Variants in DHX35 observed in about 807,000 individuals in gnomAD.
DHX35 encodes the protein DEAH-box helicase 35.
In DHX35, 84 loss-of-function variants were observed where a neutral mutation model predicts 99.6. That is an observed-to-expected ratio of 0.84 (90% CI 0.71 to 1.01). The LOEUF (loss-of-function observed/expected upper bound fraction) is 1.01, where lower values mean the gene tolerates loss of function less well. Ranked by LOEUF, DHX35 falls within the 50% of genes least tolerant of loss-of-function variation. The pLI is 0.00. For synonymous variants in DHX35, 331 were observed against 316.2 expected (o/e 1.05, Z -0.50); for missense variants, 852 against 888.5 (o/e 0.96, Z 0.52).
rs568773609 is a variant in DHX35 at position 38,989,421 on chromosome 20, G to A, written c.450+504G>A. Among the ~76,000 whole-genome samples, 15 of 151,978 alleles carry A rather than the reference G, an allele frequency of 9.9e-5. No homozygotes were observed. In the East Asian group the frequency reaches 2.9e-3, roughly 29 times the overall value. On this transcript the variant is annotated intron_variant, in intron 5 of 21. Transcript: ENST00000252011. Reference sequence around the variant, plus strand: ...AGCCACTGTGCCCGGCCGACACAGGGCTCTTTCAAAGAGTCCTGCAATCTT... The same window carrying A: ...AGCCACTGTGCCCGGCCGACACAGGACTCTTTCAAAGAGTCCTGCAATCTT...
chr20:39,025,310 A>G lies in DHX35; in HGVS notation c.1752A>G (p.Gln584=), dbSNP rs868024049. 8 of 1,613,844 alleles carry G rather than the reference A, an allele frequency of 5.0e-6. No individual in the cohort carries two copies. The highest frequency in any genetic ancestry group is 5.1e-6 in the Non-Finnish European group (6 of 1,179,870). Residue 584 remains glutamine (Q), a synonymous_variant, in exon 18 of 22, where the codon CAA becomes CAG. Coordinates refer to ENST00000252011, the MANE Select transcript of DHX35 (RefSeq NM_021931.4). ...GLVRAATVRE[Q]LKKLLVKFQV... ...TCAGAGCTGCGACTGTAAGAGAACA[A>G]TTGAAAAAGCTTCTTGTCAAGTTTC...
rs974856038 is a variant in DHX35, at chr20:39,034,217, A to G, written c.1967A>G (p.Asn656Ser). 6.2e-7 allele frequency: 1 copy of G among 1,613,684 alleles called. No individual in the cohort carries two copies. The highest frequency in any genetic ancestry group is 8.5e-7 in the Non-Finnish European group (1 of 1,179,696). ...CTTTCTCATTTCAGGGTCATCTATA[A>G]CGAAGTTATACAGACCTCCAAGTAC... ...AEKPPRWVIY[N>S]EVIQTSKYYM... The change falls in exon 21 of 22, where the codon AAC (asparagine) becomes AGC (serine). Residue 656 changes from asparagine to serine, a missense_variant. Physicochemically the swap from Asn to Ser is conservative, Grantham distance 46. Coordinates refer to ENST00000252011, the MANE Select transcript of DHX35 (RefSeq NM_021931.4).
intron 21 of DHX35, 99 bp from the exon 22 acceptor site, chr20:39,038,400 G>C: frequency 6.1e-6 from 8 of 1,313,088 alleles, no homozygotes; most frequent in Admixed American, 1.8e-5. Flanking sequence ...GTGTGGACCA[G>C]ATGGAAGATT....
In DHX35 at chr20:39,006,194, A is replaced by G. The variant is rs779574414; in HGVS notation, c.1060A>G (p.Ile354Val). ...AGAAACCTCTATCACAATCAGCGGC[A>G]TTGTGTATGTGATCGACTGTGGCTT... ...VAETSITISG[I>V]VYVIDCGFVK... Residue 354 changes from isoleucine to valine, a missense_variant, in exon 12 of 22, where the codon ATT becomes GTT. Transcript: ENST00000252011. 2 of 1,614,150 alleles carry G rather than the reference A, an allele frequency of 1.2e-6. No individual in the cohort carries two copies. Among genetic ancestry groups the G allele is most frequent in the Non-Finnish European group, 1.7e-6 (2 of 1,180,018 alleles).
chr20:39,028,636 G>C, intron 19 of DHX35, 137 bp downstream of exon 19: 1 of 967,064 alleles, frequency 1.0e-6, no homozygotes, highest in Non-Finnish European at 1.5e-6. Flanking sequence ...AAACTGAGTT[G>C]AGGTTAGCGA....
intron 9 of DHX35, 112 bp from the exon 10 acceptor site, chr20:39,002,660 C>A: frequency 1.3e-6 from 1 of 789,024 alleles, no homozygotes; most frequent in Non-Finnish European, 2.1e-6. Flanking sequence ...TAATTACCTA[C>A]TGGGCAGGCC....
At position 39,038,746 on chromosome 20, in the gene DHX35, A is replaced by G; in HGVS notation, c.*203A>G. ...GCTGGGATCCTGGAGGACTTTGTGC[A>G]TGGGCAGGCATCCTTCTGTGCTGCA... is the stretch of plus-strand genomic sequence containing the variant. On this transcript the variant is annotated 3_prime_UTR_variant, in exon 22 of 22. Transcript: ENST00000252011. 1.7e-6 allele frequency: 1 copy of G among 602,580 alleles called. No individual in the cohort carries two copies. The highest frequency in any genetic ancestry group is 2.9e-6 in the Non-Finnish European group (1 of 340,914). 37.3% of individuals were successfully genotyped at this position (602,580 alleles called of 1,614,324 possible).
intron 13 of DHX35, 66 bp downstream of exon 13, chr20:39,010,470 T>C (rs1600418199): frequency 6.3e-7 from 1 of 1,594,972 alleles, no homozygotes; most frequent in Non-Finnish European, 8.6e-7. Context: ...TGTCAGGACA[T>C]TGTCGTAGGG....
At chr20:39,010,468 C>T in intron 13 of DHX35, 64 bp downstream of exon 13, 1 of 1,596,962 alleles carries the variant, frequency 6.3e-7, no homozygotes, top group Non-Finnish European at 8.5e-7. Context: ...GATGTCAGGA[C>T]ATTGTCGTAG....
intron 1 of DHX35, among the ~76,000 whole-genome samples, chr20:38,966,410 C>G (rs1430524552): frequency 1.3e-5 from 2 of 152,212 alleles, no homozygotes; most frequent in African/African-American, 4.8e-5. Context: ...TGGCTCATGC[C>G]TATAATCCTA....
chr20:39,003,773 A>G lies in DHX35; in HGVS notation c.877A>G (p.Met293Val). The G allele has an allele frequency of 6.2e-7, 1 of 1,614,104 alleles. No individual in the cohort carries two copies. The highest frequency in any genetic ancestry group is 8.5e-7 in the Non-Finnish European group (1 of 1,179,946). The change falls in exon 11 of 22, where the codon ATG becomes GTG. Residue 293 changes from methionine (M) to valine (V), a missense_variant. Coordinates refer to ENST00000252011, the MANE Select transcript of DHX35 (RefSeq NM_021931.4). ...GQEEVETVVSMLIEQARALAR... is the reference protein window; with the variant it reads ...GQEEVETVVSVLIEQARALAR... ...GGAAGAGGTAGAAACTGTTGTGTCG[A>G]TGCTCATCGAGCAGGCTCGAGCACT...
At chr20:38,994,554 T>G (rs1490737906) in intron 7 of DHX35, among the ~76,000 whole-genome samples, 1 of 152,038 alleles carries the variant, frequency 6.6e-6, no homozygotes, top group Non-Finnish European at 1.5e-5. Context: ...TAAAGCTTCT[T>G]TATAGTTTTT....
At chr20:39,025,391 CCTTG>C in intron 18 of DHX35, 32 bp downstream of exon 18, 1 of 1,606,862 alleles carries the variant, frequency 6.2e-7, no homozygotes, top group Non-Finnish European at 8.5e-7. Context: ...TGGTGACCTC[CCTTG>C]CTTCATTCTG....
In DHX35 at chr20:39,023,689, G is replaced by A. The variant is rs757714774; in HGVS notation, c.1594-1G>A. 1 of 1,613,906 alleles carries A rather than the reference G, an allele frequency of 6.2e-7. No individual in the cohort carries two copies. The highest frequency in any genetic ancestry group is 1.1e-5 in the South Asian group (1 of 91,068). Reference sequence around the variant, plus strand: ...TCTGAATGTTGCTTCATTCTTTCCAGATTCGAGTGCACCGTAAATTTGCTG... The same window carrying A: ...TCTGAATGTTGCTTCATTCTTTCCAAATTCGAGTGCACCGTAAATTTGCTG... On this transcript the variant is annotated splice_acceptor_variant, in intron 16 of 21. Coordinates refer to ENST00000252011, the MANE Select transcript of DHX35 (RefSeq NM_021931.4). LOFTEE classifies it high-confidence loss of function.
rs538768767 is a variant in DHX35 at position 39,003,797 on chromosome 20, C to T, written c.901C>T (p.Leu301=). ...VSMLIEQARA[L]ARTGMKRHLR... is the part of the protein sequence containing the mutation. The stretch of plus-strand genomic sequence containing the variant: ...GATGCTCATCGAGCAGGCTCGAGCA[C>T]TAGCTCGCACTGGGATGAAGAGACA... Residue 301 remains leucine, a synonymous_variant, in exon 11 of 22, where the codon CTA becomes TTA. Transcript: ENST00000252011. 1.9e-6 allele frequency: 3 copies of T among 1,614,210 alleles called. No individual in the cohort carries two copies. Among genetic ancestry groups the T allele is most frequent in the South Asian group, 2.2e-5 (2 of 91,084 alleles).
At chr20:39,015,644 ATTTAT>A (rs2086773171) in intron 14 of DHX35, among the ~76,000 whole-genome samples, 1 of 151,916 alleles carries the variant, frequency 6.6e-6, no homozygotes, top group African/African-American at 2.4e-5. Flanking sequence ...GCTTTTTGAG[ATTTAT>A]TTTGAGTGTT....
intron 21 of DHX35, among the ~76,000 whole-genome samples, chr20:39,036,940 A>G (rs1381117588): frequency 1.3e-5 from 2 of 152,092 alleles, no homozygotes; most frequent in Non-Finnish European, 2.9e-5. Flanking sequence ...CCTTTACTGA[A>G]CACAGTGCAG....
In DHX35 at chr20:39,039,018, C is replaced by T. The variant is rs372872637; in HGVS notation, c.*475C>T. On this transcript the variant is annotated 3_prime_UTR_variant, in exon 22 of 22. Transcript: ENST00000252011. ...GAACAAGCATGTCTCTACGAATGAACGAAACATTGGGGATCTCTGCCGAAA... is the reference window on the plus strand; with the variant it reads ...GAACAAGCATGTCTCTACGAATGAATGAAACATTGGGGATCTCTGCCGAAA... The T allele has an allele frequency of 2.0e-4, 32 of 163,906 alleles. No homozygotes were observed. The highest frequency in any genetic ancestry group is 7.2e-4 in the African/African-American group (30 of 41,832). The allele number at this position is 163,906 out of a possible 1,614,324, so 10.2% of individuals were successfully genotyped here.
chr20:39,013,332 A>G (rs1362461401), intron 13 of DHX35, among the ~76,000 whole-genome samples: 1 of 152,258 alleles, frequency 6.6e-6, no homozygotes, highest in East Asian at 1.9e-4. Context: ...GTCATAGAGT[A>G]TTATGCAGCC....
Sources: allele counts gnomAD v4.1 joint callset (sites outside exome capture counted in the v4.1 genomes callset), GRCh38; gene constraint gnomAD v4.1.1; transcripts MANE v1.5; gene names NCBI Gene and HGNC (gene_info 2026-07-23, HGNC 2026-07-21).